The following ABCB11 variants were observed in gnomAD, a reference collection of about 807,000 sequenced individuals.
ABCB11 encodes the protein bile salt export pump.
ABCB11 carries 95 observed loss-of-function variants against 148.0 expected under a neutral mutation model. The observed-to-expected ratio is 0.64, with a 90% CI of 0.54 to 0.76. The LOEUF is 0.76. Ranked by LOEUF, ABCB11 falls within the 30% of genes least tolerant of loss-of-function variation. The probability of loss-of-function intolerance (pLI) is 0.00; values close to 1 mark genes in which losing one functional copy is unlikely to be tolerated. For missense variants in ABCB11, 1,523 were observed against 1,617.8 expected (o/e 0.94, Z 1.01); for synonymous variants, 591 against 555.4 (o/e 1.06, Z -0.90).
chr2:168,957,814 G>A, intron 19 of ABCB11, 150 bp downstream of exon 19: 1 of 713,928 alleles, frequency 1.4e-6, no homozygotes, highest in East Asian at 3.0e-5. Flanking sequence ...CCCTCTGTGT[G>A]ATGGAGGCTT....
In ABCB11 at chr2:168,974,697, T is replaced by A. The variant is rs556317931; in HGVS notation, c.1309-857A>T. 4.6e-5 allele frequency among the ~76,000 whole-genome samples: 7 copies of A among 152,074 alleles called. No homozygotes were observed. In the South Asian group the frequency reaches 1.5e-3, roughly 32 times the overall value. The stretch of plus-strand genomic sequence containing the variant: ...GTACTATGAATAAATACATATAGGT[T>A]TAAGTAAGAAGATTTTATTTCACTA... On this transcript the variant is annotated intron_variant, in intron 12 of 27. Coordinates refer to ENST00000650372, the MANE Select transcript of ABCB11 (RefSeq NM_003742.4).
At chr2:168,961,271 T>C (rs1693062800) in intron 18 of ABCB11, among the ~76,000 whole-genome samples, 4 of 151,796 alleles carry the variant, frequency 2.6e-5, no homozygotes, top group Non-Finnish European at 4.4e-5. Context: ...ACCTCCGACT[T>C]AAATCTTAGG....
At chr2:169,005,614 C>T (rs1461023033) in intron 5 of ABCB11, among the ~76,000 whole-genome samples, 4 of 152,052 alleles carry the variant, frequency 2.6e-5, no homozygotes, top group Non-Finnish European at 5.9e-5. Flanking sequence ...GAAAATTTGC[C>T]CCAGACCACA....
At chr2:168,934,039 C>T (rs1036877251) in intron 23 of ABCB11, among the ~76,000 whole-genome samples, 1 of 151,968 alleles carries the variant, frequency 6.6e-6, no homozygotes, top group Non-Finnish European at 1.5e-5. Context: ...CATGAGCCAC[C>T]GCACCCAGCC....
chr2:169,014,005 GAATA>G (rs1029187114), intron 4 of ABCB11, among the ~76,000 whole-genome samples: 2 of 152,138 alleles, frequency 1.3e-5, no homozygotes, highest in Non-Finnish European at 2.9e-5. Context: ...TTTGTCATAA[GAATA>G]AATATATATA....
chr2:168,947,397 A>ATCCC (rs1459561631), intron 19 of ABCB11, among the ~76,000 whole-genome samples: 1 of 151,414 alleles, frequency 6.6e-6, no homozygotes, highest in Non-Finnish European at 1.5e-5. Flanking sequence ...TGCTTGGAAC[A>ATCCC]TTGGCACATT....
chr2:168,992,006 T>TA (rs1207153375), intron 8 of ABCB11, among the ~76,000 whole-genome samples: 128 of 150,678 alleles, frequency 8.5e-4, no homozygotes, highest in African/African-American at 2.8e-3. Flanking sequence ...CCTGGCTATT[T>TA]AAAAAAAATT....
intron 3 of ABCB11, 21 bp downstream of exon 3, chr2:169,016,757 T>C: frequency 6.3e-7 from 1 of 1,592,732 alleles, no homozygotes; most frequent in Non-Finnish European, 8.6e-7. Flanking sequence ...AGATGCTGCA[T>C]TGTTGAAATC....
intron 11 of ABCB11, among the ~76,000 whole-genome samples, chr2:168,978,146 T>TC (rs1693994618): frequency 7.3e-6 from 1 of 137,170 alleles, no homozygotes; most frequent in East Asian, 2.0e-4. Flanking sequence ...TTTTTTTTTT[T>TC]TTTTTTTTTT....
chr2:168,973,685 T>C (rs745849198), intron 13 of ABCB11, 30 bp downstream of exon 13: 14 of 1,609,018 alleles, frequency 8.7e-6, no homozygotes, highest in Non-Finnish European at 1.1e-5. Context: ...ACTGTCCCCA[T>C]GTATTGAGGA....
intron 5 of ABCB11, among the ~76,000 whole-genome samples, chr2:169,003,357 T>TGC (rs1168684610): frequency 1.3e-5 from 2 of 148,372 alleles, no homozygotes; most frequent in African/African-American, 4.9e-5. Context: ...TGCATATATA[T>TGC]ATATATGCAC....
rs751332935 is a variant in ABCB11 at position 168,935,400 on chromosome 2, A to C, written c.2840T>G (p.Ile947Ser). 1 of 1,613,826 alleles carries C rather than the reference A, an allele frequency of 6.2e-7. No individual in the cohort carries two copies. The highest frequency in any genetic ancestry group is 2.2e-5 in the East Asian group (1 of 44,880). The stretch of plus-strand genomic sequence containing the variant: ...CTTTCCAATTCCAGCAACAGTGCGG[A>C]TGTTACTGAGGGCTTCATTTGTAAT... ...GQITNEALSN[I>S]RTVAGIGKER... The change falls in exon 23 of 28, where the codon ATC becomes AGC. Residue 947 changes from isoleucine to serine, a missense_variant. Physicochemically the swap from Ile to Ser is moderately radical, Grantham distance 142 (BLOSUM62 -2). Coordinates refer to ENST00000650372, the MANE Select transcript of ABCB11 (RefSeq NM_003742.4).
rs758808335 is a variant in ABCB11 at position 168,923,620 on chromosome 2, G to T, written c.*2C>A. ...ATGTGTGTCTGAGATTCTTGCATTG[G>T]GTCAACTGATGGGGGATCCAGTGGT... is the stretch of plus-strand genomic sequence containing the variant. On this transcript the variant is annotated 3_prime_UTR_variant, in exon 28 of 28. Transcript: ENST00000650372. 4.8e-5 allele frequency: 77 copies of T among 1,613,492 alleles called. No individual in the cohort carries two copies. The highest frequency in any genetic ancestry group is 6.2e-5 in the Non-Finnish European group (73 of 1,179,746).
intron 10 of ABCB11, 91 bp downstream of exon 10, chr2:168,986,019 G>C: frequency 9.5e-7 from 1 of 1,052,124 alleles, no homozygotes; most frequent in Middle Eastern, 3.2e-4. Flanking sequence ...TTTCCTGAAG[G>C]CACCAAAGTA....
At chr2:168,932,283 T>G in intron 24 of ABCB11, 94 bp downstream of exon 24, 1 of 1,090,894 alleles carries the variant, frequency 9.2e-7, no homozygotes, top group Non-Finnish European at 1.3e-6. Context: ...CTTGTGTTAG[T>G]TTGCTGAGAA....
At position 169,001,481 on chromosome 2, in the gene ABCB11, G is replaced by T. The variant is rs78788546; in HGVS notation, c.390-4759C>A. On this transcript the variant is annotated intron_variant, in intron 5 of 27. Coordinates refer to ENST00000650372, the MANE Select transcript of ABCB11 (RefSeq NM_003742.4). ...CCCAACCCAGCAGGTAAGGGGAGAG[G>T]TGCCTTACTATAGTGGGGATGAGTC... Among the ~76,000 whole-genome samples, 1,289 of 152,208 alleles carry T rather than the reference G, an allele frequency of 8.5e-3. 13 individuals are homozygous for T. The highest frequency in any genetic ancestry group is 0.015 in the South Asian group (71 of 4,818).
rs495714 is a variant in ABCB11, at chr2:168,923,254, C to A, written c.*368G>T. On this transcript the variant is annotated 3_prime_UTR_variant, in exon 28 of 28. Transcript: ENST00000650372. The stretch of plus-strand genomic sequence containing the variant: ...TTCAAAAATGAAAGACAGTTCTCTG[C>A]CCTTGAGGAGTTCAAAGTGTCACTT... The A allele has an allele frequency of 3.5e-6, 1 of 284,028 alleles. No homozygotes were observed. The highest frequency in any genetic ancestry group is 5.8e-5 in the South Asian group (1 of 17,188). The allele number at this position is 284,028 out of a possible 1,614,324, so 17.6% of individuals were successfully genotyped here.
chr2:168,915,458 T>A (rs1322098920), downstream of ABCB11, among the ~76,000 whole-genome samples: 1 of 152,228 alleles, frequency 6.6e-6, no homozygotes, highest in Admixed American at 6.5e-5. Context: ...TTGTATTAAT[T>A]TTTAGTTAAC....
chr2:168,971,811 T>C (rs756286937), intron 14 of ABCB11, 36 bp downstream of exon 14: 4 of 1,595,610 alleles, frequency 2.5e-6, no homozygotes, highest in Admixed American at 1.7e-5. Context: ...TTCTATGACC[T>C]CTTAGTTTCT....
Sources: gnomAD v4.1 joint callset for allele counts (sites outside exome capture counted in the v4.1 genomes callset) on GRCh38, gnomAD v4.1.1 for gene constraint, MANE v1.5 for transcripts, NCBI Gene and HGNC (gene_info 2026-07-23, HGNC 2026-07-21) for gene names.